Variants in ESS2 observed in about 807,000 individuals in gnomAD.
ESS2 encodes the protein splicing factor ESS-2 homolog.
In ESS2, 31 loss-of-function variants were observed where a neutral mutation model predicts 52.0. The ratio of observed to expected loss-of-function variants is 0.60; its 90% CI spans 0.45 to 0.81. The LOEUF is 0.81. ESS2 is among the 30% of genes least tolerant of loss of function. ESS2 has a pLI of 0.00. For synonymous variants in ESS2, 285 were observed against 259.2 expected (o/e 1.10, Z -0.95); for missense variants, 602 against 637.2 (o/e 0.94, Z 0.59).
chr22:19,132,640 T>C lies in ESS2; in HGVS notation c.*1556A>G. ...TTTGATTACGTTCCATTAGCTTTCTTCCACTTAGCAGCAAAGACGTTCCTT... is the reference window on the plus strand; with the variant it reads ...TTTGATTACGTTCCATTAGCTTTCTCCCACTTAGCAGCAAAGACGTTCCTT... On this transcript the variant is annotated 3_prime_UTR_variant, in exon 10 of 10. Transcript: ENST00000252137. This position sits in a 1 kb window ranked among gnomAD's most constrained non-coding sequence, Gnocchi z 4.2. 4.2e-6 allele frequency: 3 copies of C among 713,718 alleles called. No homozygotes were observed. Among genetic ancestry groups the C allele is most frequent in the Non-Finnish European group, 7.1e-6 (3 of 423,130 alleles). 44.2% of individuals were successfully genotyped at this position (713,718 alleles called of 1,614,324 possible). A position where few individuals can be genotyped will look rare whatever the true frequency, so the allele number is the denominator to read the frequency against.
In ESS2 at chr22:19,130,554, G is replaced by C; in HGVS notation, c.*3642C>G. 2 of 433,340 alleles carry C rather than the reference G, an allele frequency of 4.6e-6. No individual in the cohort carries two copies. The highest frequency in any genetic ancestry group is 2.7e-5 in the Admixed American group (1 of 37,236). The allele number at this position is 433,340 out of a possible 1,614,324, so 26.8% of individuals were successfully genotyped here. A position where few individuals can be genotyped will look rare whatever the true frequency, so the allele number is the denominator to read the frequency against. ...TGGTACCGGAGTGATTATTTCGATT[G>C]TATCTCCTTTACAGCTTGGTCCAGA... On this transcript the variant is annotated 3_prime_UTR_variant, in exon 10 of 10. Coordinates refer to ENST00000252137, the MANE Select transcript of ESS2 (RefSeq NM_022719.3).
At chr22:19,139,584 C>A (rs1262551586) in intron 5 of ESS2, 28 bp downstream of exon 5, 1 of 1,595,086 alleles carries the variant, frequency 6.3e-7, no homozygotes, top group South Asian at 1.1e-5. Flanking sequence ...CAACACCTCC[C>A]CATTTGGCTG....
At chr22:19,136,031 T>TAAAAAAAAAAAAAAAAAAAAAA (rs377121962) in intron 8 of ESS2, among the ~76,000 whole-genome samples, 6 of 92,544 alleles carry the variant, frequency 6.5e-5, no homozygotes, top group African/African-American at 2.6e-4. Flanking sequence ...CCCTATCTGT[T>TAAAAAAAAAAAAAAAAAAAAAA]AAAAAAAAAA....
chr22:19,144,540 T>C lies in ESS2; in HGVS notation c.101A>G (p.Lys34Arg). 1 of 1,609,476 alleles carries C rather than the reference T, an allele frequency of 6.2e-7. No individual in the cohort carries two copies. Residue 34 changes from lysine to arginine, a missense_variant, in exon 1 of 10, where the codon AAG (lysine) becomes AGG (arginine). Physicochemically the swap from Lys to Arg is conservative, Grantham distance 26. Transcript: ENST00000252137. ...EAGEAGAATS[K>R]QRVLDEEEYI... ...CTCTTCCTCGTCCAGGACCCGCTGC[T>C]TGCTCGTCGCAGCCCCAGCCTCTCC...
chr22:19,132,554 T>C lies in ESS2; in HGVS notation c.*1642A>G. 2.9e-6 allele frequency: 4 copies of C among 1,395,854 alleles called. No homozygotes were observed. Among genetic ancestry groups the C allele is most frequent in the Non-Finnish European group, 3.9e-6 (4 of 1,019,588 alleles). The allele number at this position is 1,395,854 out of a possible 1,614,324, so 86.5% of individuals were successfully genotyped here. On this transcript the variant is annotated 3_prime_UTR_variant, in exon 10 of 10. Coordinates refer to ENST00000252137, the MANE Select transcript of ESS2 (RefSeq NM_022719.3). This position sits in a 1 kb window ranked among gnomAD's most constrained non-coding sequence, Gnocchi z 4.2. ...GCAGTCGGCCTTCACGTAAACTAAGTAGGCAGGTAGGATCTGAAGAAGGCA... is the reference window on the plus strand; with the variant it reads ...GCAGTCGGCCTTCACGTAAACTAAGCAGGCAGGTAGGATCTGAAGAAGGCA...
chr22:19,141,058 G>A (rs562438453), intron 3 of ESS2, among the ~76,000 whole-genome samples: 5 of 151,220 alleles, frequency 3.3e-5, no homozygotes, highest in African/African-American at 9.7e-5. Flanking sequence ...AAGGTGGGAG[G>A]ATCACTTGAG....
At position 19,133,615 on chromosome 22, in the gene ESS2, G is replaced by T. The variant is rs1335430498; in HGVS notation, c.*581C>A. The T allele has an allele frequency of 2.0e-5, 3 of 152,374 alleles. No homozygotes were observed. The highest frequency in any genetic ancestry group is 2.9e-5 in the Non-Finnish European group (2 of 68,156). 9.4% of individuals were successfully genotyped at this position (152,374 alleles called of 1,614,324 possible). A position where few individuals can be genotyped will look rare whatever the true frequency, so the allele number is the denominator to read the frequency against. On this transcript the variant is annotated 3_prime_UTR_variant, in exon 10 of 10. Coordinates refer to ENST00000252137, the MANE Select transcript of ESS2 (RefSeq NM_022719.3). ...CTATAACCAGCGCACCTCACAGCCGGCAAGCCCAGAGTGGAGGCTGCAGAC... is the reference window on the plus strand; with the variant it reads ...CTATAACCAGCGCACCTCACAGCCGTCAAGCCCAGAGTGGAGGCTGCAGAC...
chr22:19,137,832 A>G, intron 7 of ESS2: 2 of 985,366 alleles, frequency 2.0e-6, no homozygotes, highest in Non-Finnish European at 2.4e-6. Flanking sequence ...GCAGAGGGAC[A>G]CCCACGCATG....
chr22:19,135,159 C>A lies in ESS2; in HGVS notation c.1052G>T (p.Arg351Leu), dbSNP rs968360558. ...CATCTTCAGACCCAGCCGCTCCCTG[C>A]GGCCTGGCTCCAGGATCTACAAGGT... is the stretch of plus-strand genomic sequence containing the variant. ...GPAFKILEPG[R>L]RERLGLKMAN... is the part of the protein sequence containing the mutation. Residue 351 changes from arginine to leucine, a missense_variant, in exon 9 of 10, where the codon CGC (arginine) becomes CTC (leucine). Transcript: ENST00000252137. 12 of 1,613,290 alleles carry A rather than the reference C, an allele frequency of 7.4e-6. No homozygotes were observed. Among genetic ancestry groups the A allele is most frequent in the Non-Finnish European group, 1.0e-5 (12 of 1,179,452 alleles).
Position 19,132,763 on chromosome 22 carries a change from C to T in ESS2, c.*1433G>A, listed in dbSNP as rs933260862. 4.7e-6 allele frequency: 2 copies of T among 422,922 alleles called. No homozygotes were observed. Among genetic ancestry groups the T allele is most frequent in the Non-Finnish European group, 4.3e-6 (1 of 231,764 alleles). The allele number at this position is 422,922 out of a possible 1,614,324, so 26.2% of individuals were successfully genotyped here. ...ACTCAGCCAACCGCCCCACCTGACA[C>T]ACAGTGGTCTCCGGCCTAGGAGCAC... On this transcript the variant is annotated 3_prime_UTR_variant, in exon 10 of 10. Transcript: ENST00000252137. This position sits in a 1 kb window ranked among gnomAD's most constrained non-coding sequence, Gnocchi z 4.2.
chr22:19,138,594 C>T, intron 6 of ESS2: 1 of 571,022 alleles, frequency 1.8e-6, no homozygotes, highest in Non-Finnish European at 3.2e-6. Flanking sequence ...CTGCGCCTAT[C>T]CCAGCAACTC....
chr22:19,134,956 G>T, intron 9 of ESS2, 104 bp downstream of exon 9: 1 of 1,105,394 alleles, frequency 9.0e-7, no homozygotes, highest in Non-Finnish European at 1.3e-6. Context: ...ACCTGCCCTG[G>T]ACTCTGCCGC....
Position 19,134,357 on chromosome 22 carries a change from G to T in ESS2, c.1270C>A (p.Arg424Ser). ...LRASYTPSPA[R>S]STHLKTPASG... ...GCCGGGGTCTTGAGGTGGGTGGAGC[G>T]TGCTGGGGATGGTGTGTAGCTGGCC... is the stretch of plus-strand genomic sequence containing the variant. The change falls in exon 10 of 10, where the codon CGC becomes AGC. Residue 424 changes from arginine (R) to serine (S), a missense_variant. Arg to Ser is a moderately radical substitution (Grantham distance 110). Transcript: ENST00000252137. 3 of 1,612,282 alleles carry T rather than the reference G, an allele frequency of 1.9e-6. No homozygotes were observed. In the South Asian group the frequency reaches 3.3e-5, roughly 18 times the overall value.
At chr22:19,143,191 C>T (rs149706465) in intron 1 of ESS2, among the ~76,000 whole-genome samples, 19 of 117,466 alleles carry the variant, frequency 1.6e-4, no homozygotes, top group Admixed American at 6.9e-4. Flanking sequence ...GGCGACAGAG[C>T]GAGACCGTCT....
chr22:19,132,090 C>T lies in ESS2; in HGVS notation c.*2106G>A, dbSNP rs1050706538. The T allele has an allele frequency of 6.2e-7, 1 of 1,613,390 alleles. No homozygotes were observed. On this transcript the variant is annotated 3_prime_UTR_variant, in exon 10 of 10. Transcript: ENST00000252137. The surrounding 1 kb of genome is among the most constrained non-coding windows in gnomAD (Gnocchi z 4.2). The stretch of plus-strand genomic sequence containing the variant: ...GAAGATGCTGCGTATCCAGAAGGAG[C>T]ACCGTGTGGACTTCCCGCGCTCCAA...
Position 19,142,606 on chromosome 22 carries a change from G to T in ESS2, c.332C>A (p.Pro111His). The T allele has an allele frequency of 6.2e-7, 1 of 1,613,752 alleles. No individual in the cohort carries two copies. ...CACTCCAGTGCCTGCATGCACCTCAGGGGTTTCAAATGTGGCTGGAGTCAC... is the reference window on the plus strand; with the variant it reads ...CACTCCAGTGCCTGCATGCACCTCATGGGTTTCAAATGTGGCTGGAGTCAC... ...PYVTPATFET[P>H]EVHAGTGVVG... Residue 111 changes from proline (P) to histidine (H), a missense_variant, in exon 3 of 10, where the codon CCT (proline) becomes CAT (histidine). Physicochemically the swap from Pro to His is moderately conservative, Grantham distance 77. Coordinates refer to ENST00000252137, the MANE Select transcript of ESS2 (RefSeq NM_022719.3).
Position 19,132,578 on chromosome 22 carries a change from C to T in ESS2, c.*1618G>A, listed in dbSNP as rs2083521603. On this transcript the variant is annotated 3_prime_UTR_variant, in exon 10 of 10. Transcript: ENST00000252137. The surrounding 1 kb of genome is among the most constrained non-coding windows in gnomAD (Gnocchi z 4.2). ...GTAGGCAGGTAGGATCTGAAGAAGG[C>T]ACAGGTGCAAGTAAAATTCGTCAAT... 8.4e-7 allele frequency: 1 copy of T among 1,197,020 alleles called. No individual in the cohort carries two copies. Among genetic ancestry groups the T allele is most frequent in the Admixed American group, 2.3e-5 (1 of 43,210 alleles). 74.1% of individuals were successfully genotyped at this position (1,197,020 alleles called of 1,614,324 possible).
rs1479049277 is a variant in ESS2, at chr22:19,132,375, G to C, written c.*1821C>G. The C allele has an allele frequency of 1.2e-6, 2 of 1,613,198 alleles. No homozygotes were observed. The highest frequency in any genetic ancestry group is 1.7e-5 in the Admixed American group (1 of 60,018). The stretch of plus-strand genomic sequence containing the variant: ...CAAAACCCAGCACCGGCTGCTGGTG[G>C]TGCCCGAGAACGAGAACAGGATGGA... On this transcript the variant is annotated 3_prime_UTR_variant, in exon 10 of 10. Transcript: ENST00000252137. This position sits in a 1 kb window ranked among gnomAD's most constrained non-coding sequence, Gnocchi z 4.2.
Position 19,144,238 on chromosome 22 carries a change from A to T in ESS2, c.135+268T>A, listed in dbSNP as rs2083745203. On this transcript the variant is annotated intron_variant, in intron 1 of 9. Transcript: ENST00000252137. ...CATCCTTCCAGTTTGTCAAACTCCTACTCACACTTTAACAGAAAATCTTCT... is the reference window on the plus strand; with the variant it reads ...CATCCTTCCAGTTTGTCAAACTCCTTCTCACACTTTAACAGAAAATCTTCT... The T allele has an allele frequency of 2.4e-6, 3 of 1,239,636 alleles. No individual in the cohort carries two copies. The East Asian group carries it at 1.1e-4, about 45-fold the overall frequency. The allele number at this position is 1,239,636 out of a possible 1,614,324, so 76.8% of individuals were successfully genotyped here.
Sources: allele counts gnomAD v4.1 joint callset (sites outside exome capture counted in the v4.1 genomes callset), GRCh38; gene constraint gnomAD v4.1.1; non-coding constraint Gnocchi (gnomAD v3.1); transcripts MANE v1.5; gene names NCBI Gene and HGNC (gene_info 2026-07-23, HGNC 2026-07-21).